The following MCRS1 variants were observed in gnomAD, a reference collection of about 807,000 sequenced individuals.
The protein encoded by MCRS1 is 58 kDa microspherule protein.
Under a neutral mutation model 62.9 loss-of-function variants are expected in MCRS1, and 22 were observed. That is an observed-to-expected ratio of 0.35 (90% CI 0.25 to 0.50). The LOEUF is 0.50. Ranked by LOEUF, MCRS1 falls within the 20% of genes least tolerant of loss-of-function variation. The probability of loss-of-function intolerance (pLI) is 0.98; values close to 1 mark genes in which losing one functional copy is unlikely to be tolerated. For synonymous variants in MCRS1, 244 were observed against 233.5 expected (o/e 1.04, Z -0.41); for missense variants, 456 against 601.1 (o/e 0.76, Z 2.52).
At chr12:49,565,063 C>T in intron 4 of MCRS1, 168 bp from the exon 5 acceptor site, 1 of 985,252 alleles carries the variant, frequency 1.0e-6, no homozygotes, top group Non-Finnish European at 1.2e-6. Context: ...CTTTCTAATA[C>T]CCACCCCCAT....
At chr12:49,560,492 G>C (rs1384632708) in intron 8 of MCRS1, 122 bp from the exon 9 acceptor site, 4 of 840,678 alleles carry the variant, frequency 4.8e-6, no homozygotes, top group Non-Finnish European at 8.1e-6. Flanking sequence ...GCACCAGCAA[G>C]GGTGCCCATA....
rs1219260706 is a variant in MCRS1, at chr12:49,559,062, C to G, written c.1175-92G>C. The G allele has an allele frequency of 5.7e-6, 9 of 1,570,844 alleles. No homozygotes were observed. Among genetic ancestry groups the G allele is most frequent in the Non-Finnish European group, 7.8e-6 (9 of 1,147,212 alleles). ...GAGAGAGCCAGGAGCTTCCATGGAC[C>G]AGCTCTGCTTCCTGCAGACACCAAG... On this transcript the variant is annotated intron_variant, in intron 13 of 14. Coordinates refer to ENST00000343810, the MANE Select transcript of MCRS1 (RefSeq NM_006337.5). This position sits in a 1 kb window ranked among gnomAD's most constrained non-coding sequence, Gnocchi z 5.2.
intron 8 of MCRS1, among the ~76,000 whole-genome samples, chr12:49,562,644 C>T (rs1366660434): frequency 6.6e-6 from 1 of 152,042 alleles, no homozygotes; most frequent in Non-Finnish European, 1.5e-5. Context: ...GGAAAGTGGA[C>T]TTTCTTATTT....
intron 8 of MCRS1, among the ~76,000 whole-genome samples, chr12:49,561,693 G>A (rs1034281383): frequency 1.3e-5 from 2 of 152,138 alleles, no homozygotes; most frequent in African/African-American, 2.4e-5. Flanking sequence ...GCAGTAGCGC[G>A]ATCTTGGCTC....
At position 49,558,987 on chromosome 12, in the gene MCRS1, A is replaced by G. The variant is rs760136674; in HGVS notation, c.1175-17T>C. 6.2e-7 allele frequency: 1 copy of G among 1,610,236 alleles called. No homozygotes were observed. Among genetic ancestry groups the G allele is most frequent in the Non-Finnish European group, 8.5e-7 (1 of 1,179,888 alleles). On this transcript the variant is annotated splice_polypyrimidine_tract_variant and intron_variant, in intron 13 of 14. Coordinates refer to ENST00000343810, the MANE Select transcript of MCRS1 (RefSeq NM_006337.5). ...TGATGACACCTGTGGAAGCAGAAAGAAAGAAGGGATGATGGGATGGGGAGG... is the reference window on the plus strand; with the variant it reads ...TGATGACACCTGTGGAAGCAGAAAGGAAGAAGGGATGATGGGATGGGGAGG...
rs771172026 is a variant in MCRS1, at chr12:49,559,151, C to G, written c.1174+63G>C. The G allele has an allele frequency of 5.7e-5, 89 of 1,569,844 alleles. No individual in the cohort carries two copies. The highest frequency in any genetic ancestry group is 7.6e-5 in the Non-Finnish European group (87 of 1,145,292). On this transcript the variant is annotated intron_variant, in intron 13 of 14. Transcript: ENST00000343810. The surrounding 1 kb of genome is among the most constrained non-coding windows in gnomAD (Gnocchi z 5.2). ...ACACCAAGCCCAGGGCTAGAAAGGA[C>G]AGCGAGAGGCTGGGAGGGACGACCT...
rs1938945031 is a variant in MCRS1, at chr12:49,564,532, C to T, written c.506G>A (p.Arg169Gln). 7 of 1,613,094 alleles carry T rather than the reference C, an allele frequency of 4.3e-6. No homozygotes were observed. The highest frequency in any genetic ancestry group is 3.3e-5 in the Admixed American group (2 of 59,910). ...GGCGTACCAACGCTCCTGGACCTCCCGAAGGGTGAAGCGGCAGCTGAATTT... is the reference window on the plus strand; with the variant it reads ...GGCGTACCAACGCTCCTGGACCTCCTGAAGGGTGAAGCGGCAGCTGAATTT... ...GVKFSCRFTL[R>Q]EVQERWYALL... Residue 169 changes from arginine (R) to glutamine (Q), a missense_variant, in exon 6 of 15, where the codon CGG becomes CAG. Physicochemically the swap from Arg to Gln is conservative, Grantham distance 43 (BLOSUM62 1). Coordinates refer to ENST00000343810, the MANE Select transcript of MCRS1 (RefSeq NM_006337.5).
At chr12:49,563,203 A>G (rs1209134958) in intron 7 of MCRS1, 64 bp from the exon 8 acceptor site, 50 of 1,538,090 alleles carry the variant, frequency 3.3e-5, no homozygotes, top group East Asian at 4.9e-5. Flanking sequence ...CTGCCTTACC[A>G]TCTCTACCTC....
chr12:49,560,004 C>T, intron 9 of MCRS1, 37 bp from the exon 10 acceptor site: 1 of 1,613,862 alleles, frequency 6.2e-7, no homozygotes, highest in Non-Finnish European at 8.5e-7. Flanking sequence ...TTAGGTCCAC[C>T]TTCAGCTTGC....
chr12:49,559,944 T>G lies in MCRS1; in HGVS notation c.905A>C (p.Glu302Ala). 1 of 1,614,158 alleles carries G rather than the reference T, an allele frequency of 6.2e-7. No homozygotes were observed. Among genetic ancestry groups the G allele is most frequent in the Non-Finnish European group, 8.5e-7 (1 of 1,180,014 alleles). ...CCCCATGAGGCCATACTTACCATGT[T>G]CCAGGACCTCATCTCGCATGTCCCT... is the stretch of plus-strand genomic sequence containing the variant. ...KLKDMRDEVL[E>A]HELMVADRRQ... The change falls in exon 10 of 15, where the codon GAA becomes GCA. Residue 302 changes from glutamate (E) to alanine (A), a missense_variant. By Grantham distance (107) the Glu-to-Ala change is moderately radical. Coordinates refer to ENST00000343810, the MANE Select transcript of MCRS1 (RefSeq NM_006337.5). The surrounding 1 kb of genome is among the most constrained non-coding windows in gnomAD (Gnocchi z 5.2).
chr12:49,565,558 T>A lies in MCRS1; in HGVS notation c.259A>T (p.Ser87Cys). ...SGVEPGRCSGSEPSSSEKKKV... is the reference protein window; with the variant it reads ...SGVEPGRCSGCEPSSSEKKKV... ...TTCTTCTCACTGGAGGAGGGTTCAC[T>A]CCCCGAACAGCGCCCTGGTTCCACC... Residue 87 changes from serine to cysteine, a missense_variant, in exon 4 of 15, where the codon AGT (serine) becomes TGT (cysteine). Coordinates refer to ENST00000343810, the MANE Select transcript of MCRS1 (RefSeq NM_006337.5). 4 of 1,607,644 alleles carry A rather than the reference T, an allele frequency of 2.5e-6. No homozygotes were observed. The highest frequency in any genetic ancestry group is 2.5e-6 in the Non-Finnish European group (3 of 1,176,680).
At position 49,565,606 on chromosome 12, in the gene MCRS1, T is replaced by A. The variant is rs1474790560; in HGVS notation, c.211A>T (p.Thr71Ser). ...ACCCCACTGGCCCCCTTTGCCCGGG[T>A]AGAAGATTTTGCCAGGCTGCTCTCC... ...LVESSLAKSS[T>S]RAKGASGVEP... is the part of the protein sequence containing the mutation. The change falls in exon 4 of 15, where the codon ACC (threonine) becomes TCC (serine). Residue 71 changes from threonine (T) to serine (S), a missense_variant. Physicochemically the swap from Thr to Ser is moderately conservative, Grantham distance 58. This residue lies in a region of MCRS1 where 393 missense variants were observed against 523.5 expected (regional missense o/e 0.75). Transcript: ENST00000343810. 1 of 1,613,732 alleles carries A rather than the reference T, an allele frequency of 6.2e-7. No individual in the cohort carries two copies. The highest frequency in any genetic ancestry group is 8.5e-7 in the Non-Finnish European group (1 of 1,179,824).
At chr12:49,565,074 C>T (rs907415453) in intron 4 of MCRS1, 179 bp from the exon 5 acceptor site, 2 of 985,292 alleles carry the variant, frequency 2.0e-6, no homozygotes, top group Admixed American at 1.2e-4. Flanking sequence ...CCACCCCCAT[C>T]CCACCAAGTT....
At position 49,566,213 on chromosome 12, in the gene MCRS1, A is replaced by C. The variant is rs772973273; in HGVS notation, c.13T>G (p.Ser5Ala). The C allele has an allele frequency of 1.2e-6, 2 of 1,612,014 alleles. No homozygotes were observed. Among genetic ancestry groups the C allele is most frequent in the African/African-American group, 1.3e-5 (1 of 74,858 alleles). The change falls in exon 3 of 15, where the codon TCT becomes GCT. Residue 5 changes from serine (S) to alanine (A), a missense_variant and splice_region_variant. Transcript: ENST00000343810. ...AGGGATGAATCTAGCAGCCCCTGAG[A>C]ATCTAGCAAGAGAGAAATGGTGGAT... Reference protein sequence around the residue: MDKDSQGLLDSSLMA... With the variant: MDKDAQGLLDSSLMA...
intron 8 of MCRS1, among the ~76,000 whole-genome samples, chr12:49,560,658 G>A (rs1350415843): frequency 6.6e-6 from 1 of 152,232 alleles, no homozygotes; most frequent in Non-Finnish European, 1.5e-5. Flanking sequence ...ACTAAGCAGG[G>A]GAGGCACTAC....
Position 49,559,002 on chromosome 12 carries a change from G to A in MCRS1, c.1175-32C>T, listed in dbSNP as rs758437350. On this transcript the variant is annotated intron_variant, in intron 13 of 14. Transcript: ENST00000343810. The surrounding 1 kb of genome is among the most constrained non-coding windows in gnomAD (Gnocchi z 5.2). The stretch of plus-strand genomic sequence containing the variant: ...AAGCAGAAAGAAAGAAGGGATGATG[G>A]GATGGGGAGGGATTGATGGGATGGG... The A allele has an allele frequency of 1.9e-6, 3 of 1,599,714 alleles. No homozygotes were observed. Among genetic ancestry groups the A allele is most frequent in the East Asian group, 2.2e-5 (1 of 44,770 alleles).
In MCRS1 at chr12:49,559,370, A is replaced by G. The variant is rs762682514; in HGVS notation, c.1087-69T>C. ...GGGAGTAGGTCTATGCAGGCCAGAG[A>G]AAGATGGGAAACCAAGGACTACGCA... On this transcript the variant is annotated intron_variant, in intron 12 of 14. Coordinates refer to ENST00000343810, the MANE Select transcript of MCRS1 (RefSeq NM_006337.5). This position sits in a 1 kb window ranked among gnomAD's most constrained non-coding sequence, Gnocchi z 5.2. 9 of 1,607,956 alleles carry G rather than the reference A, an allele frequency of 5.6e-6. No individual in the cohort carries two copies. The Admixed American group carries it at 1.3e-4, about 24-fold the overall frequency.
Position 49,566,168 on chromosome 12 carries a change from T to A in MCRS1, c.58A>T (p.Ser20Cys). 6.2e-7 allele frequency: 1 copy of A among 1,614,178 alleles called. No homozygotes were observed. ...DSSLMASGTASRSEDEESLAG... is the reference protein window; with the variant it reads ...DSSLMASGTACRSEDEESLAG... ...AGTGACTCCTCATCCTCTGAGCGGCTGGCAGTGCCTGATGCCATCAGGGAT... is the reference window on the plus strand; with the variant it reads ...AGTGACTCCTCATCCTCTGAGCGGCAGGCAGTGCCTGATGCCATCAGGGAT... Residue 20 changes from serine to cysteine, a missense_variant, in exon 3 of 15, where the codon AGC becomes TGC. By Grantham distance (112) the Ser-to-Cys change is moderately radical. This residue lies in a region of MCRS1 where 55 missense variants were observed against 49.3 expected (regional missense o/e 1.12). Transcript: ENST00000343810.
At chr12:49,565,969 C>T in intron 3 of MCRS1, 108 bp downstream of exon 3, 1 of 1,466,674 alleles carries the variant, frequency 6.8e-7, no homozygotes, top group Non-Finnish European at 9.2e-7. Context: ...ATACTAAGGC[C>T]CCAGAGGGGC....
Sources: allele counts gnomAD v4.1 joint callset (sites outside exome capture counted in the v4.1 genomes callset), GRCh38; gene constraint gnomAD v4.1.1; regional missense constraint gnomAD v4.1.1; non-coding constraint Gnocchi (gnomAD v3.1); transcripts MANE v1.5; gene names NCBI Gene and HGNC (gene_info 2026-07-23, HGNC 2026-07-21).